SREBF2: variants seen among roughly 807,000 people sequenced by gnomAD.
The protein encoded by SREBF2 is sterol regulatory element binding transcription factor 2.
Under a neutral mutation model 113.1 loss-of-function variants are expected in SREBF2, and 55 were observed. The observed-to-expected ratio is 0.49, with a 90% CI of 0.39 to 0.61. SREBF2 has a LOEUF of 0.61. Ranked by LOEUF, SREBF2 falls within the 20% of genes least tolerant of loss-of-function variation. The probability of loss-of-function intolerance (pLI) is 0.00; values close to 1 mark genes in which losing one functional copy is unlikely to be tolerated. For missense variants in SREBF2, 1,349 were observed against 1,487.4 expected, an observed-to-expected ratio of 0.91 and a Z score of 1.53; for synonymous variants, 593 against 605.7, an observed-to-expected ratio of 0.98 and a Z score of 0.31.
intron 11 of SREBF2, among the ~76,000 whole-genome samples, chr22:41,891,880 C>T (rs1020775760): frequency 6.6e-6 from 1 of 152,134 alleles, no homozygotes; most frequent in Non-Finnish European, 1.5e-5. Context: ...TACCCTCACT[C>T]AAAAAGTGAC....
Position 41,833,147 on chromosome 22 carries a change from G to T in SREBF2, c.-124G>T, listed in dbSNP as rs921482982. 10 of 678,876 alleles carry T rather than the reference G, an allele frequency of 1.5e-5. No homozygotes were observed. In the East Asian group the frequency reaches 1.7e-4, roughly 12 times the overall value. 42.1% of individuals were successfully genotyped at this position (678,876 alleles called of 1,614,324 possible). On this transcript the variant is annotated 5_prime_UTR_variant, in exon 1 of 19. Coordinates refer to ENST00000361204, the MANE Select transcript of SREBF2 (RefSeq NM_004599.4). This position sits in a 1 kb window ranked among gnomAD's most constrained non-coding sequence, Gnocchi z 4.1. ...GGGCGCAACGCAAACATGGCGGCGGGTGGCACCCGTCGGTGAGGCGGTGCC... is the reference window on the plus strand; with the variant it reads ...GGGCGCAACGCAAACATGGCGGCGGTTGGCACCCGTCGGTGAGGCGGTGCC...
intron 15 of SREBF2, chr22:41,899,661 C>A: frequency 4.0e-6 from 3 of 745,802 alleles, no homozygotes; most frequent in Non-Finnish European, 4.9e-6. Flanking sequence ...AAGCACCCAG[C>A]CCGGTATAGC....
intron 9 of SREBF2, among the ~76,000 whole-genome samples, 199 bp downstream of exon 9, chr22:41,878,322 G>T (rs1017913202): frequency 2.0e-5 from 3 of 152,130 alleles, no homozygotes; most frequent in Non-Finnish European, 4.4e-5. Flanking sequence ...CTATGTCTCC[G>T]GTATGACAGG....
At chr22:41,883,526 C>CT (rs1306494005) in intron 10 of SREBF2, among the ~76,000 whole-genome samples, 1 of 152,230 alleles carries the variant, frequency 6.6e-6, no homozygotes, top group Non-Finnish European at 1.5e-5. Context: ...CTGTGTCCTC[C>CT]TTGCTGCCAA....
chr22:41,868,069 C>G (rs1217269559), intron 2 of SREBF2, among the ~76,000 whole-genome samples: 1 of 152,140 alleles, frequency 6.6e-6, no homozygotes, highest in African/African-American at 2.4e-5. Flanking sequence ...CTGAAAGGGG[C>G]CTGTTCTTTC....
intron 16 of SREBF2, chr22:41,900,938 G>A (rs377478723): frequency 3.4e-5 from 18 of 535,632 alleles, no homozygotes; most frequent in African/African-American, 1.2e-4. Context: ...ACCTCCTGGC[G>A]GGCAGCTGTG....
At chr22:41,849,287 A>T (rs2076905668) in intron 1 of SREBF2, among the ~76,000 whole-genome samples, 1 of 151,948 alleles carries the variant, frequency 6.6e-6, no homozygotes, top group Admixed American at 6.6e-5. Context: ...TGCCTTCCAG[A>T]TTCAAGCGAT....
chr22:41,900,496 C>G lies in SREBF2; in HGVS notation c.2905C>G (p.His969Asp). 6.2e-7 allele frequency: 1 copy of G among 1,612,902 alleles called. No homozygotes were observed. Among genetic ancestry groups the G allele is most frequent in the African/African-American group, 1.3e-5 (1 of 75,026 alleles). Reference sequence around the variant, plus strand: ...GGCCACCTCTGACCCTGCCCTCAACCACGTGAGTGGGAGCTGAGTTGGCCC... The same window carrying G: ...GGCCACCTCTGACCCTGCCCTCAACGACGTGAGTGGGAGCTGAGTTGGCCC... ...SGATSDPALN[H>D]VVQLLTCDLL... The change falls in exon 16 of 19, where the codon CAC (histidine) becomes GAC (aspartate). Residue 969 changes from histidine to aspartate, a missense_variant and splice_region_variant. Transcript: ENST00000361204.
intron 1 of SREBF2, among the ~76,000 whole-genome samples, chr22:41,846,379 G>T (rs183065639): frequency 3.9e-5 from 6 of 152,290 alleles, no homozygotes; most frequent in Admixed American, 2.6e-4. Flanking sequence ...CTCAAGGGTC[G>T]CACTCCTGGT....
intron 1 of SREBF2, among the ~76,000 whole-genome samples, chr22:41,865,646 G>T (rs1443374024): frequency 6.6e-6 from 1 of 152,158 alleles, no homozygotes. Context: ...GAGGTCTCCA[G>T]GTGGACAAAT....
At chr22:41,881,908 CA>C (rs1168045620) in intron 10 of SREBF2, among the ~76,000 whole-genome samples, 1 of 151,918 alleles carries the variant, frequency 6.6e-6, no homozygotes. Flanking sequence ...CCCATTTCTA[CA>C]AAAAATACAA....
At chr22:41,856,966 C>T (rs1457644597) in intron 1 of SREBF2, among the ~76,000 whole-genome samples, 1 of 150,792 alleles carries the variant, frequency 6.6e-6, no homozygotes, top group African/African-American at 2.4e-5. Context: ...ACATGGGAGG[C>T]TGAGACAGGA....
At position 41,870,990 on chromosome 22, in the gene SREBF2, C is replaced by G; in HGVS notation, c.822C>G (p.Leu274=). 2 of 1,613,994 alleles carry G rather than the reference C, an allele frequency of 1.2e-6. No homozygotes were observed. The highest frequency in any genetic ancestry group is 1.7e-6 in the Non-Finnish European group (2 of 1,179,932). ...TGGCTGCGGTCCAGAACCCGGCCCT[C>G]ACCGCCCTCACCACCCCTATCCAGA... ...PVMAAVQNPA[L]TALTTPIQTA... is the part of the protein sequence containing the mutation. The change falls in exon 4 of 19, where the codon CTC becomes CTG. Residue 274 remains leucine, a synonymous_variant. Coordinates refer to ENST00000361204, the MANE Select transcript of SREBF2 (RefSeq NM_004599.4).
chr22:41,862,683 A>C (rs1279215616), intron 1 of SREBF2, among the ~76,000 whole-genome samples: 1 of 152,156 alleles, frequency 6.6e-6, no homozygotes, highest in East Asian at 1.9e-4. Context: ...TACAAAGCAC[A>C]ACTACACCCT....
intron 1 of SREBF2, among the ~76,000 whole-genome samples, chr22:41,851,859 G>C (rs930405446): frequency 6.6e-6 from 1 of 151,722 alleles, no homozygotes; most frequent in Non-Finnish European, 1.5e-5. Context: ...GGTGGCTCAC[G>C]CCTGTAATCC....
intron 1 of SREBF2, among the ~76,000 whole-genome samples, chr22:41,849,057 T>C (rs2148350230): frequency 6.6e-6 from 1 of 152,320 alleles, no homozygotes; most frequent in Non-Finnish European, 1.5e-5. Flanking sequence ...TACGTATATA[T>C]ACACTGAAGT....
intron 11 of SREBF2, among the ~76,000 whole-genome samples, chr22:41,886,542 C>T (rs1454168030): frequency 2.6e-5 from 4 of 152,110 alleles, no homozygotes; most frequent in Non-Finnish European, 5.9e-5. Flanking sequence ...TAACTTACGG[C>T]TTGAAGTGAA....
Position 41,833,464 on chromosome 22 carries a change from C to T in SREBF2, c.88+106C>T. 1.0e-6 allele frequency: 1 copy of T among 984,892 alleles called. No individual in the cohort carries two copies. Among genetic ancestry groups the T allele is most frequent in the South Asian group, 1.6e-5 (1 of 64,078 alleles). The allele number at this position is 984,892 out of a possible 1,614,324, so 61.0% of individuals were successfully genotyped here. On this transcript the variant is annotated intron_variant, in intron 1 of 18. Coordinates refer to ENST00000361204, the MANE Select transcript of SREBF2 (RefSeq NM_004599.4). The surrounding 1 kb of genome is among the most constrained non-coding windows in gnomAD (Gnocchi z 4.1). ...CACCCCCCGACAGCCCCGGTTCGCGCGGGAAGAACCCCGTGCGCACGGTGC... is the reference window on the plus strand; with the variant it reads ...CACCCCCCGACAGCCCCGGTTCGCGTGGGAAGAACCCCGTGCGCACGGTGC...
intron 1 of SREBF2, among the ~76,000 whole-genome samples, chr22:41,862,022 A>G (rs2077031852): frequency 6.6e-6 from 1 of 152,218 alleles, no homozygotes; most frequent in Non-Finnish European, 1.5e-5. Context: ...CCAGCCCCTA[A>G]TAGGGCTGGG....
Sources: allele counts gnomAD v4.1 joint callset (sites outside exome capture counted in the v4.1 genomes callset), GRCh38; gene constraint gnomAD v4.1.1; non-coding constraint Gnocchi (gnomAD v3.1); transcripts MANE v1.5; gene names NCBI Gene and HGNC (gene_info 2026-07-23, HGNC 2026-07-21).